Variants in DACH1 observed in about 807,000 individuals in gnomAD.
DACH1 encodes the protein dachshund family transcription factor 1.
Under a neutral mutation model 54.2 loss-of-function variants are expected in DACH1, and 12 were observed. The observed-to-expected ratio is 0.22, with a 90% CI of 0.14 to 0.36. The LOEUF (loss-of-function observed/expected upper bound fraction) is 0.36, where lower values mean the gene tolerates loss of function less well. Among genes scored for constraint, DACH1 ranks in the 10% least tolerant of loss-of-function variants. The pLI, the probability that DACH1 is intolerant of heterozygous loss-of-function variation, is 1.00. For synonymous variants in DACH1, 386 were observed against 366.2 expected (o/e 1.05, Z -0.62); for missense variants, 805 against 929.8 (o/e 0.87, Z 1.75).
chr13:71,496,265 A>ATT (rs1879406627), intron 6 of DACH1, among the ~76,000 whole-genome samples: 2 of 19,344 alleles, frequency 1.0e-4, no homozygotes, highest in Admixed American at 7.6e-4. Flanking sequence ...TGCTATGTAT[A>ATT]TATATATATA....
intron 3 of DACH1, among the ~76,000 whole-genome samples, chr13:71,608,032 G>A (rs1396267871): frequency 6.6e-6 from 1 of 150,476 alleles, no homozygotes; most frequent in Non-Finnish European, 1.5e-5. Flanking sequence ...TATGAATTAG[G>A]CATATTAGTA....
intron 10 of DACH1, among the ~76,000 whole-genome samples, chr13:71,466,293 G>A (rs1163252026): frequency 6.6e-6 from 1 of 152,046 alleles, no homozygotes; most frequent in Middle Eastern, 3.4e-3. Context: ...TACTATTTAA[G>A]CCCAACCACA....
intron 1 of DACH1, among the ~76,000 whole-genome samples, chr13:71,749,876 A>C (rs1273463641): frequency 6.6e-6 from 1 of 152,210 alleles, no homozygotes; most frequent in South Asian, 2.1e-4. Context: ...TAAGAGCTAG[A>C]TAAGCGGAGA....
chr13:71,627,224 A>T lies in DACH1; in HGVS notation c.1126+3332T>A, dbSNP rs537815507. Reference sequence around the variant, plus strand: ...AACCGGGAAGGGTTGTGTGATACAAATTTTTCCTGTCGTCTTACCCAGCAA... The same window carrying T: ...AACCGGGAAGGGTTGTGTGATACAATTTTTTCCTGTCGTCTTACCCAGCAA... On this transcript the variant is annotated intron_variant, in intron 3 of 10. Coordinates refer to ENST00000613252, the MANE Select transcript of DACH1 (RefSeq NM_080759.6). 3.3e-5 allele frequency among the ~76,000 whole-genome samples: 5 copies of T among 151,360 alleles called. No individual in the cohort carries two copies. In the Admixed American group the frequency reaches 3.3e-4, roughly 10 times the overall value.
intron 1 of DACH1, among the ~76,000 whole-genome samples, chr13:71,796,720 T>C (rs1320666738): frequency 6.6e-6 from 1 of 152,086 alleles, no homozygotes; most frequent in Admixed American, 6.6e-5. Flanking sequence ...ATCACACACT[T>C]TGTATAAAAG....
At chr13:71,702,518 T>G (rs1245414193) in intron 1 of DACH1, among the ~76,000 whole-genome samples, 1 of 152,202 alleles carries the variant, frequency 6.6e-6, no homozygotes, top group Non-Finnish European at 1.5e-5. Context: ...AAATTTATTT[T>G]TCCTCTACAT....
intron 1 of DACH1, among the ~76,000 whole-genome samples, chr13:71,747,145 T>A (rs1225516519): frequency 6.6e-6 from 1 of 152,108 alleles, no homozygotes; most frequent in African/African-American, 2.4e-5. Context: ...GGAACGGTAA[T>A]TTTTATAGGA....
chr13:71,671,247 G>C (rs1880187705), intron 2 of DACH1, among the ~76,000 whole-genome samples: 2 of 151,630 alleles, frequency 1.3e-5, no homozygotes, highest in Admixed American at 1.3e-4. Flanking sequence ...GAAAGAAAGG[G>C]AGAGAGGACA....
intron 1 of DACH1, among the ~76,000 whole-genome samples, chr13:71,864,813 C>G (rs187823887): frequency 2.6e-5 from 4 of 151,290 alleles, no homozygotes; most frequent in Admixed American, 2.0e-4. Flanking sequence ...GGCTGGGGAC[C>G]GGTCCCGCCG....
intron 1 of DACH1, among the ~76,000 whole-genome samples, chr13:71,865,552 G>A (rs187472959): frequency 8.5e-5 from 13 of 152,264 alleles, no homozygotes; most frequent in African/African-American, 3.1e-4. Flanking sequence ...GCAGCGCTGA[G>A]AGGGGTCTCC....
intron 1 of DACH1, among the ~76,000 whole-genome samples, chr13:71,815,330 G>A (rs1449046686): frequency 6.8e-6 from 1 of 147,586 alleles, no homozygotes; most frequent in Non-Finnish European, 1.5e-5. Flanking sequence ...AAAGGGGGTG[G>A]GCGGGGGGAG....
chr13:71,531,963 T>C (rs1444468083), intron 6 of DACH1, among the ~76,000 whole-genome samples: 1 of 151,896 alleles, frequency 6.6e-6, no homozygotes, highest in African/African-American at 2.4e-5. Context: ...TATGTGTGTA[T>C]ATATATATGT....
intron 1 of DACH1, among the ~76,000 whole-genome samples, chr13:71,809,447 A>G (rs1468316277): frequency 6.6e-6 from 1 of 152,166 alleles, no homozygotes; most frequent in Admixed American, 6.5e-5. Context: ...CTGAGATTAA[A>G]GGCATGAGCC....
intron 1 of DACH1, among the ~76,000 whole-genome samples, chr13:71,739,142 C>T (rs775030686): frequency 3.3e-5 from 5 of 151,996 alleles, no homozygotes; most frequent in Non-Finnish European, 7.4e-5. Context: ...ATCCTAGCTA[C>T]GTGGGAAGCT....
chr13:71,860,520 T>C (rs1874283830), intron 1 of DACH1, among the ~76,000 whole-genome samples: 1 of 151,120 alleles, frequency 6.6e-6, no homozygotes, highest in African/African-American at 2.4e-5. Context: ...TCAAACAAAG[T>C]TTAACTTTTT....
At chr13:71,787,964 C>T (rs1031714701) in intron 1 of DACH1, among the ~76,000 whole-genome samples, 35 of 152,168 alleles carry the variant, frequency 2.3e-4, no homozygotes, top group African/African-American at 7.7e-4. Flanking sequence ...TTCTTTGGAA[C>T]TATTTTTAAA....
chr13:71,557,025 T>G lies in DACH1; in HGVS notation c.1569A>C (p.Lys523Asn). ...GHESKRMHIE[K>N]DETPLSTPTA... ...AAGGAATATATAATCATACATTACC[T>G]TTTTCAATATGCATCCTTTTTGACT... Residue 523 changes from lysine (K) to asparagine (N), a missense_variant and splice_region_variant, in exon 6 of 11, where the codon AAA becomes AAC. This residue lies in a region of DACH1 where 472 missense variants were observed against 545.3 expected (regional missense o/e 0.87). Coordinates refer to ENST00000613252, the MANE Select transcript of DACH1 (RefSeq NM_080759.6). 6.3e-7 allele frequency: 1 copy of G among 1,595,968 alleles called. No individual in the cohort carries two copies. The highest frequency in any genetic ancestry group is 1.4e-5 in the African/African-American group (1 of 73,672).
At chr13:71,681,410 C>T (rs1209403335) in intron 2 of DACH1, among the ~76,000 whole-genome samples, 1 of 152,130 alleles carries the variant, frequency 6.6e-6, no homozygotes, top group Non-Finnish European at 1.5e-5. Context: ...TTCTGGAATG[C>T]TAAACAAGTT....
intron 10 of DACH1, 113 bp from the exon 11 acceptor site, chr13:71,440,805 T>A: frequency 1.3e-6 from 1 of 789,634 alleles, no homozygotes. Flanking sequence ...GATCTTTACT[T>A]GGTTAAGAAG....
Sources: gnomAD v4.1 joint callset for allele counts (sites outside exome capture counted in the v4.1 genomes callset) on GRCh38, gnomAD v4.1.1 for gene constraint, gnomAD v4.1.1 regional missense constraint, MANE v1.5 for transcripts, NCBI Gene and HGNC (gene_info 2026-07-23, HGNC 2026-07-21) for gene names.